The following HLF variants were observed in gnomAD, a reference collection of about 807,000 sequenced individuals.
HLF encodes the protein HLF transcription factor, PAR bZIP family member.
Under a neutral mutation model 22.6 loss-of-function variants are expected in HLF, and 3 were observed. That is an observed-to-expected ratio of 0.13 (90% CI 0.06 to 0.34). The LOEUF is 0.34. HLF is among the 10% of genes least tolerant of loss of function. HLF has a pLI of 1.00. For missense variants in HLF, 299 were observed against 389.2 expected (o/e 0.77, Z 1.95); for synonymous variants, 151 against 151.8 (o/e 0.99, Z 0.04).
chr17:55,271,871 C>T (rs2080862179), intron 2 of HLF: 1 of 152,182 alleles, frequency 6.6e-6, no homozygotes, highest in Admixed American at 6.5e-5. Flanking sequence ...ATGACTGCCC[C>T]AACCCCTTTC....
intron 2 of HLF, chr17:55,272,235 T>C (rs1242642174): frequency 1.3e-5 from 2 of 152,304 alleles, no homozygotes; most frequent in Non-Finnish European, 2.9e-5. Context: ...GAATATGTGC[T>C]GGGTACTGGA....
At chr17:55,312,803 A>G (rs1306617940) in intron 2 of HLF, among the ~76,000 whole-genome samples, 3 of 152,228 alleles carry the variant, frequency 2.0e-5, no homozygotes. Flanking sequence ...TTGATCATTT[A>G]AAAAATTAAT....
chr17:55,270,794 C>T (rs2080846726), intron 2 of HLF, among the ~76,000 whole-genome samples: 1 of 152,028 alleles, frequency 6.6e-6, no homozygotes, highest in Non-Finnish European at 1.5e-5. Context: ...CCGTGTAGCG[C>T]CACCACGCCC....
chr17:55,319,544 CAGGG>C (rs1271438938), intron 3 of HLF, among the ~76,000 whole-genome samples: 1 of 151,544 alleles, frequency 6.6e-6, no homozygotes, highest in African/African-American at 2.4e-5. Flanking sequence ...TCCTTTCTGT[CAGGG>C]AGGCAGCAGT....
chr17:55,306,263 C>T (rs988504094), intron 2 of HLF, among the ~76,000 whole-genome samples: 1 of 152,162 alleles, frequency 6.6e-6, no homozygotes, highest in Non-Finnish European at 1.5e-5. Context: ...GCCAGGGAAG[C>T]CCGTCTACCA....
intron 2 of HLF, among the ~76,000 whole-genome samples, chr17:55,279,512 T>C (rs964364690): frequency 6.6e-6 from 1 of 152,138 alleles, no homozygotes; most frequent in African/African-American, 2.4e-5. Flanking sequence ...GGTGGGAAGA[T>C]CACTTGAGGC....
At chr17:55,319,546 G>A (rs1326332637) in intron 3 of HLF, among the ~76,000 whole-genome samples, 1 of 152,096 alleles carries the variant, frequency 6.6e-6, no homozygotes, top group Non-Finnish European at 1.5e-5. Context: ...CTTTCTGTCA[G>A]GGAGGCAGCA....
intron 2 of HLF, among the ~76,000 whole-genome samples, chr17:55,270,991 G>C (rs76481242): frequency 6.6e-6 from 1 of 152,032 alleles, no homozygotes; most frequent in African/African-American, 2.4e-5. Flanking sequence ...GCAGCATCGC[G>C]GCCCCTACCT....
chr17:55,276,241 A>T (rs2080903468), intron 2 of HLF, among the ~76,000 whole-genome samples: 1 of 152,230 alleles, frequency 6.6e-6, no homozygotes, highest in East Asian at 1.9e-4. Flanking sequence ...AGGAAGAGAG[A>T]CAAGAGTACA....
intron 2 of HLF, among the ~76,000 whole-genome samples, chr17:55,282,435 A>G (rs2080962927): frequency 1.3e-5 from 2 of 152,236 alleles, no homozygotes; most frequent in Non-Finnish European, 2.9e-5. Context: ...ACGTCCTTCT[A>G]ACTTACAAGT....
intron 2 of HLF, among the ~76,000 whole-genome samples, chr17:55,307,368 C>T (rs942035277): frequency 8.0e-5 from 12 of 150,672 alleles, no homozygotes; most frequent in East Asian, 3.9e-4. Flanking sequence ...AGGGATTCAC[C>T]GTGTTACCCA....
intron 2 of HLF, among the ~76,000 whole-genome samples, chr17:55,312,077 C>T (rs992204288): frequency 1.3e-5 from 2 of 152,304 alleles, no homozygotes; most frequent in South Asian, 4.1e-4. Context: ...AGAGATGGCA[C>T]CTAGGTTGAT....
intron 2 of HLF, among the ~76,000 whole-genome samples, chr17:55,277,784 A>G (rs558077548): frequency 1.6e-4 from 25 of 152,284 alleles, no homozygotes; most frequent in African/African-American, 5.1e-4. Flanking sequence ...AAGGTGGGCA[A>G]TTTCACCTCC....
Position 55,320,916 on chromosome 17 carries a change from A to C in HLF, c.*37A>C. On this transcript the variant is annotated 3_prime_UTR_variant, in exon 4 of 4. Coordinates refer to ENST00000226067, the MANE Select transcript of HLF (RefSeq NM_002126.5). The surrounding 1 kb of genome is among the most constrained non-coding windows in gnomAD (Gnocchi z 4.2). ...TGCAGGCTGGCTTTGGAATAGATGG[A>C]CAGTTTGTTTCCTGTCTGATAGCAC... 3.3e-6 allele frequency: 5 copies of C among 1,531,764 alleles called. No homozygotes were observed. The highest frequency in any genetic ancestry group is 4.5e-6 in the Non-Finnish European group (5 of 1,118,030). 94.9% of individuals were successfully genotyped at this position (1,531,764 alleles called of 1,614,324 possible).
intron 2 of HLF, among the ~76,000 whole-genome samples, chr17:55,295,066 T>G (rs2081099953): frequency 6.6e-6 from 1 of 152,230 alleles, no homozygotes; most frequent in African/African-American, 2.4e-5. Flanking sequence ...GATGTCATCC[T>G]TTAAACTTGA....
At chr17:55,314,237 A>T (rs1023425740) in intron 2 of HLF, among the ~76,000 whole-genome samples, 5 of 152,178 alleles carry the variant, frequency 3.3e-5, no homozygotes, top group African/African-American at 1.2e-4. Context: ...TGTTCTCTGG[A>T]TGTTTGTGCA....
chr17:55,320,723 C>T lies in HLF; in HGVS notation c.732C>T (p.Asp244=), dbSNP rs532337710. ...KNNMAAKRSR[D]ARRLKENQIA... ...ACATGGCAGCCAAGCGCTCCCGCGA[C>T]GCCCGGAGGCTGAAAGAGAACCAGA... is the stretch of plus-strand genomic sequence containing the variant. Residue 244 remains aspartate, a synonymous_variant, in exon 4 of 4, where the codon GAC becomes GAT. Transcript: ENST00000226067. This position sits in a 1 kb window ranked among gnomAD's most constrained non-coding sequence, Gnocchi z 4.2. The T allele has an allele frequency of 2.1e-5, 34 of 1,614,220 alleles. No individual in the cohort carries two copies. The highest frequency in any genetic ancestry group is 1.8e-4 in the Admixed American group (11 of 60,034).
At chr17:55,301,058 AC>A (rs2081153396) in intron 2 of HLF, among the ~76,000 whole-genome samples, 1 of 152,096 alleles carries the variant, frequency 6.6e-6, no homozygotes. Flanking sequence ...TATCCCATTT[AC>A]TTTTCTGGCC....
intron 1 of HLF, 172 bp downstream of exon 1, chr17:55,265,771 C>G: frequency 2.4e-6 from 3 of 1,269,890 alleles, no homozygotes; most frequent in Non-Finnish European, 3.0e-6. Flanking sequence ...TCCTCCCCTT[C>G]CTCCTCCTCC....
Sources: allele counts gnomAD v4.1 joint callset (sites outside exome capture counted in the v4.1 genomes callset), GRCh38; gene constraint gnomAD v4.1.1; non-coding constraint Gnocchi (gnomAD v3.1); transcripts MANE v1.5; gene names NCBI Gene and HGNC (gene_info 2026-07-23, HGNC 2026-07-21).